GOLPH3L: variants seen among roughly 807,000 people sequenced by gnomAD.
The protein encoded by GOLPH3L is golgi phosphoprotein 3 like, also known as Golgi phosphoprotein 3-like.
GOLPH3L carries 22 observed loss-of-function variants against 30.3 expected under a neutral mutation model. The observed-to-expected ratio is 0.73, with a 90% CI of 0.52 to 1.04. The LOEUF is 1.04. Among genes scored for constraint, GOLPH3L ranks in the 50% least tolerant of loss-of-function variants. The pLI is 0.00. For missense variants in GOLPH3L, 303 were observed against 345.8 expected (o/e 0.88, Z 0.98); for synonymous variants, 120 against 128.2 (o/e 0.94, Z 0.43).
Position 150,684,914 on chromosome 1 carries a change from C to T in GOLPH3L, c.183+9742G>A, listed in dbSNP as rs1166461324. ...AATTCCTGACCTCAGGTGATCCACCCGCCTCGGCCTCCCAAAGTGCTGGGA... is the reference window on the plus strand; with the variant it reads ...AATTCCTGACCTCAGGTGATCCACCTGCCTCGGCCTCCCAAAGTGCTGGGA... On this transcript the variant is annotated intron_variant, in intron 2 of 4. Coordinates refer to ENST00000271732, the MANE Select transcript of GOLPH3L (RefSeq NM_018178.6). 2.6e-5 allele frequency among the ~76,000 whole-genome samples: 4 copies of T among 151,838 alleles called. No homozygotes were observed. In the South Asian group the frequency reaches 6.3e-4, roughly 24 times the overall value.
intron 2 of GOLPH3L, among the ~76,000 whole-genome samples, chr1:150,688,672 A>C (rs1329816155): frequency 2.6e-5 from 4 of 152,188 alleles, no homozygotes; most frequent in African/African-American, 9.7e-5. Flanking sequence ...AATCGCTTGA[A>C]TCCGGGAGGT....
intron 2 of GOLPH3L, among the ~76,000 whole-genome samples, chr1:150,681,527 G>A (rs1031084351): frequency 2.6e-5 from 4 of 152,072 alleles, no homozygotes; most frequent in African/African-American, 7.2e-5. Flanking sequence ...ACTAAGCAGC[G>A]AGAAATAAGG....
At chr1:150,650,300 AG>A (rs11318883) in intron 4 of GOLPH3L, among the ~76,000 whole-genome samples, 58,518 of 152,086 alleles carry the variant, frequency 0.38, 11,572 homozygotes, top group South Asian at 0.55. Context: ...GATAAAAACA[AG>A]AAAATATGAG....
rs756171459 is a variant in GOLPH3L at position 150,661,776 on chromosome 1, A to G, written c.430+38T>C. 8.8e-6 allele frequency: 8 copies of G among 909,458 alleles called. No individual in the cohort carries two copies. In the South Asian group the frequency reaches 9.1e-5, roughly 10 times the overall value. The allele number at this position is 909,458 out of a possible 1,614,324, so 56.3% of individuals were successfully genotyped here. On this transcript the variant is annotated intron_variant, in intron 4 of 4. Coordinates refer to ENST00000271732, the MANE Select transcript of GOLPH3L (RefSeq NM_018178.6). ...AATTTCAGGGTAGGATAAAGATAACAAAGTGTGAAATTCATATATTATTTT... is the reference window on the plus strand; with the variant it reads ...AATTTCAGGGTAGGATAAAGATAACGAAGTGTGAAATTCATATATTATTTT...
At chr1:150,659,451 G>A (rs1171343578) in intron 4 of GOLPH3L, among the ~76,000 whole-genome samples, 1 of 152,176 alleles carries the variant, frequency 6.6e-6, no homozygotes, top group Non-Finnish European at 1.5e-5. Flanking sequence ...CGTGCCTTAA[G>A]GACATGTTCA....
chr1:150,681,375 A>G (rs1410151995), intron 2 of GOLPH3L, among the ~76,000 whole-genome samples: 1 of 152,222 alleles, frequency 6.6e-6, no homozygotes, highest in Non-Finnish European at 1.5e-5. Context: ...TACTAAGCAC[A>G]CTGAGAGGTA....
intron 4 of GOLPH3L, 75 bp from the exon 5 acceptor site, chr1:150,648,823 T>C: frequency 3.5e-6 from 3 of 856,076 alleles, no homozygotes; most frequent in Non-Finnish European, 5.8e-6. Context: ...GTTTGGAAAC[T>C]TGAATGGCTA....
At chr1:150,685,256 TG>T (rs1286151486) in intron 2 of GOLPH3L, among the ~76,000 whole-genome samples, 1 of 152,248 alleles carries the variant, frequency 6.6e-6, no homozygotes, top group Non-Finnish European at 1.5e-5. Context: ...GCCTAGTTAA[TG>T]TTTTTTATAG....
chr1:150,661,678 T>A, intron 4 of GOLPH3L, 136 bp downstream of exon 4: 1 of 572,246 alleles, frequency 1.7e-6, no homozygotes, highest in South Asian at 2.4e-5. Context: ...GCTTTTTCTG[T>A]CCCTCATTAG....
At position 150,697,088 on chromosome 1, in the gene GOLPH3L, G is replaced by A. The variant is rs1390486240; in HGVS notation, c.-109C>T. 6.6e-6 allele frequency: 1 copy of A among 150,606 alleles called. No homozygotes were observed. The highest frequency in any genetic ancestry group is 2.0e-4 in the East Asian group (1 of 5,068). 9.3% of individuals were successfully genotyped at this position (150,606 alleles called of 1,614,324 possible). ...TCCCCACCCCACCCCCGTCCTAGTA[G>A]GTGAAAAACTTAGCCACGCAGAGAG... On this transcript the variant is annotated 5_prime_UTR_variant, in exon 1 of 5. Transcript: ENST00000271732.
intron 4 of GOLPH3L, among the ~76,000 whole-genome samples, chr1:150,657,548 C>A (rs1458827222): frequency 6.6e-6 from 1 of 152,192 alleles, no homozygotes; most frequent in Non-Finnish European, 1.5e-5. Context: ...GTGTGGACAC[C>A]TTTTCTCACT....
intron 1 of GOLPH3L, 25 bp downstream of exon 1, chr1:150,696,967 G>A (rs920574795): frequency 6.6e-6 from 1 of 152,110 alleles, no homozygotes; most frequent in South Asian, 2.1e-4. Context: ...GGGACGTTAG[G>A]AAATGTAATT....
intron 2 of GOLPH3L, among the ~76,000 whole-genome samples, chr1:150,664,177 A>AT (rs1459097420): frequency 6.6e-6 from 1 of 151,546 alleles, no homozygotes; most frequent in South Asian, 2.1e-4. Flanking sequence ...TTTAAAAAAA[A>AT]TTTTTTTGTA....
intron 4 of GOLPH3L, among the ~76,000 whole-genome samples, chr1:150,661,200 C>A (rs1371489619): frequency 6.6e-6 from 1 of 152,060 alleles, no homozygotes; most frequent in Non-Finnish European, 1.5e-5. Context: ...TGTACTCCAG[C>A]CTGGACGACA....
chr1:150,693,498 T>TA (rs1188375144), intron 2 of GOLPH3L, among the ~76,000 whole-genome samples: 3 of 151,998 alleles, frequency 2.0e-5, no homozygotes, highest in Non-Finnish European at 4.4e-5. Flanking sequence ...GGGGGGCGGT[T>TA]ATTTAAGGCT....
chr1:150,679,691 T>C (rs887605625), intron 2 of GOLPH3L, among the ~76,000 whole-genome samples: 2 of 152,088 alleles, frequency 1.3e-5, no homozygotes, highest in Non-Finnish European at 2.9e-5. Context: ...TCCCAGCTAT[T>C]TCGGAGGCCA....
At chr1:150,691,900 T>G (rs191390695) in intron 2 of GOLPH3L, among the ~76,000 whole-genome samples, 1 of 151,268 alleles carries the variant, frequency 6.6e-6, no homozygotes, top group East Asian at 1.9e-4. Flanking sequence ...AACAAATGGA[T>G]GACTCTTTTT....
intron 2 of GOLPH3L, among the ~76,000 whole-genome samples, chr1:150,674,785 A>C (rs933744869): frequency 2.0e-5 from 3 of 151,940 alleles, no homozygotes; most frequent in Non-Finnish European, 2.9e-5. Context: ...CCACTTACTC[A>C]GGAGGCTGAG....
intron 2 of GOLPH3L, among the ~76,000 whole-genome samples, chr1:150,690,579 GTC>G (rs1412061054): frequency 3.3e-5 from 5 of 152,236 alleles, no homozygotes; most frequent in African/African-American, 9.6e-5. Flanking sequence ...GAGTCTAAAA[GTC>G]TCTGCCTGGT....
Sources: allele counts gnomAD v4.1 joint callset (sites outside exome capture counted in the v4.1 genomes callset), GRCh38; gene constraint gnomAD v4.1.1; transcripts MANE v1.5; gene names NCBI Gene and HGNC (gene_info 2026-07-23, HGNC 2026-07-21).